Variants in FBN1 observed in about 807,000 individuals in gnomAD.
FBN1 encodes the protein fibrillin-1.
In FBN1, 29 loss-of-function variants were observed where a neutral mutation model predicts 365.1. The observed-to-expected ratio is 0.08, with a 90% CI of 0.06 to 0.11. The LOEUF is 0.11. FBN1 is among the 10% of genes least tolerant of loss of function. The probability of loss-of-function intolerance (pLI) is 1.00; values close to 1 mark genes in which losing one functional copy is unlikely to be tolerated. For synonymous variants in FBN1, 1,210 were observed against 1,270.5 expected (o/e 0.95, Z 1.01); for missense variants, 2,476 against 3,703.2 (o/e 0.67, Z 8.60).
intron 32 of FBN1, among the ~76,000 whole-genome samples, chr15:48,478,183 G>A (rs2043437157): frequency 6.6e-6 from 1 of 152,158 alleles, no homozygotes; most frequent in African/African-American, 2.4e-5. Context: ...AGGCTACTTG[G>A]ATTTCTTAAT....
At chr15:48,505,214 A>T in intron 15 of FBN1, 67 bp from the exon 16 acceptor site, 2 of 1,598,876 alleles carry the variant, frequency 1.3e-6, no homozygotes, top group Non-Finnish European at 1.7e-6. Context: ...CATGTTGACA[A>T]TTATGTTTTA....
chr15:48,427,353 G>T (rs2042985827), intron 58 of FBN1, among the ~76,000 whole-genome samples: 1 of 152,128 alleles, frequency 6.6e-6, no homozygotes. Flanking sequence ...CAGAGGGAGG[G>T]TCCTAAGCAC....
At chr15:48,428,076 G>C in intron 57 of FBN1, 1 of 633,910 alleles carries the variant, frequency 1.6e-6, no homozygotes, top group Non-Finnish European at 2.8e-6. Flanking sequence ...GAAACATACG[G>C]AAGTGGATCC....
Position 48,421,829 on chromosome 15 carries a change from C to A in FBN1, c.7570+123G>T, listed in dbSNP as rs377433861. 179 of 1,149,340 alleles carry A rather than the reference C, an allele frequency of 1.6e-4. 2 individuals are homozygous for A. The highest frequency in any genetic ancestry group is 4.2e-4 in the South Asian group (33 of 78,282). 71.2% of individuals were successfully genotyped at this position (1,149,340 alleles called of 1,614,324 possible). ...ACATACATGTACAGGTGTGCTCACACATACATGCACTCATATATTTCTTTG... is the reference window on the plus strand; with the variant it reads ...ACATACATGTACAGGTGTGCTCACAAATACATGCACTCATATATTTCTTTG... On this transcript the variant is annotated intron_variant, in intron 61 of 65. Transcript: ENST00000316623.
intron 32 of FBN1, among the ~76,000 whole-genome samples, chr15:48,475,873 T>G (rs2043414403): frequency 6.6e-6 from 1 of 152,190 alleles, no homozygotes; most frequent in East Asian, 1.9e-4. Flanking sequence ...AACAGATTGC[T>G]CCTACAAAAG....
At chr15:48,428,562 C>G in intron 56 of FBN1, 91 bp from the exon 57 acceptor site, 1 of 1,408,178 alleles carries the variant, frequency 7.1e-7, no homozygotes, top group Non-Finnish European at 1.0e-6. Context: ...CTTCCTTCCT[C>G]CCTCCCTCCT....
chr15:48,632,796 C>T (rs1890011708), intron 2 of FBN1, among the ~76,000 whole-genome samples: 1 of 152,144 alleles, frequency 6.6e-6, no homozygotes, highest in Non-Finnish European at 1.5e-5. Flanking sequence ...GCCAAACATT[C>T]CTAGCCAACT....
At chr15:48,481,297 G>A (rs1159506820) in intron 32 of FBN1, among the ~76,000 whole-genome samples, 1 of 152,174 alleles carries the variant, frequency 6.6e-6, no homozygotes, top group Non-Finnish European at 1.5e-5. Flanking sequence ...TGTTGGCAAA[G>A]GAGGTTATTG....
chr15:48,562,327 G>A (rs1480607140), intron 6 of FBN1, among the ~76,000 whole-genome samples: 2 of 152,028 alleles, frequency 1.3e-5, no homozygotes, highest in Admixed American at 6.6e-5. Context: ...TCTACTTCAG[G>A]GAAACTTTAC....
intron 60 of FBN1, among the ~76,000 whole-genome samples, chr15:48,422,365 A>C (rs749198250): frequency 9.2e-5 from 14 of 152,252 alleles, no homozygotes; most frequent in Non-Finnish European, 1.6e-4. Flanking sequence ...TTTCAAATAA[A>C]TCATGACATT....
chr15:48,425,296 G>C (rs2042970386), intron 60 of FBN1, 73 bp downstream of exon 60: 25 of 1,598,828 alleles, frequency 1.6e-5, no homozygotes, highest in Non-Finnish European at 2.1e-5. Flanking sequence ...CTTGCCTGTG[G>C]AGTTCTTACA....
intron 50 of FBN1, among the ~76,000 whole-genome samples, chr15:48,440,207 G>A (rs188746202): frequency 6.6e-6 from 1 of 152,144 alleles, no homozygotes; most frequent in Non-Finnish European, 1.5e-5. Flanking sequence ...TAATGACCTC[G>A]AAATTTCATC....
intron 9 of FBN1, among the ~76,000 whole-genome samples, 192 bp from the exon 10 acceptor site, chr15:48,521,009 C>T (rs1222564350): frequency 6.6e-6 from 1 of 152,218 alleles, no homozygotes; most frequent in Non-Finnish European, 1.5e-5. Context: ...GGTCTCACAC[C>T]TTTTGCCCCT....
At chr15:48,590,895 C>T (rs2044472094) in intron 6 of FBN1, among the ~76,000 whole-genome samples, 1 of 152,198 alleles carries the variant, frequency 6.6e-6, no homozygotes, top group African/African-American at 2.4e-5. Context: ...AACAGACTTT[C>T]TTAAGTTGGC....
intron 56 of FBN1, among the ~76,000 whole-genome samples, chr15:48,429,976 T>C (rs1349937018): frequency 6.6e-6 from 1 of 152,250 alleles, no homozygotes; most frequent in Non-Finnish European, 1.5e-5. Context: ...TATTTTAGGC[T>C]TTGTGGGTCA....
At chr15:48,503,487 C>A (rs957027569) in intron 17 of FBN1, among the ~76,000 whole-genome samples, 1 of 152,134 alleles carries the variant, frequency 6.6e-6, no homozygotes, top group Non-Finnish European at 1.5e-5. Context: ...CTGCAAAATG[C>A]AAACATCATG....
At chr15:48,590,760 G>T (rs2044471382) in intron 6 of FBN1, among the ~76,000 whole-genome samples, 1 of 152,204 alleles carries the variant, frequency 6.6e-6, no homozygotes, top group Admixed American at 6.5e-5. Context: ...ATGAACTAAG[G>T]ATTATTTCAA....
intron 2 of FBN1, chr15:48,642,240 T>C (rs1890210094): frequency 6.6e-6 from 1 of 152,170 alleles, no homozygotes; most frequent in Non-Finnish European, 1.5e-5. Context: ...TTAGCCGGGC[T>C]TGGTGGCACC....
intron 52 of FBN1, 120 bp from the exon 53 acceptor site, chr15:48,437,197 C>A (rs1271722770): frequency 8.9e-7 from 1 of 1,129,490 alleles, no homozygotes; most frequent in Non-Finnish European, 1.3e-6. Flanking sequence ...TAATTGCTAT[C>A]TAAATGAAGG....
Sources: gnomAD v4.1 joint callset for allele counts (sites outside exome capture counted in the v4.1 genomes callset) on GRCh38, gnomAD v4.1.1 for gene constraint, MANE v1.5 for transcripts, NCBI Gene and HGNC (gene_info 2026-07-23, HGNC 2026-07-21) for gene names.